Variants in USP6 observed in about 807,000 individuals in gnomAD.
USP6 encodes ubiquitin specific peptidase 6.
A neutral mutation model predicts 175.7 loss-of-function variants in USP6; 128 were observed. That is an observed-to-expected ratio of 0.73 (90% confidence interval 0.63 to 0.84). The LOEUF is 0.84. Among genes scored for constraint, USP6 ranks in the 40% least tolerant of loss-of-function variants. The pLI, the probability that USP6 is intolerant of heterozygous loss-of-function variation, is 0.00. For missense variants in USP6, 1,498 were observed against 1,760.3 expected, an observed-to-expected ratio of 0.85 and a Z score of 2.67; for synonymous variants, 562 against 630.6, an observed-to-expected ratio of 0.89 and a Z score of 1.63.
At position 5,170,900 on chromosome 17, in the gene USP6, T is replaced by C. The variant is rs145160385; in HGVS notation, c.3939T>C (p.Asn1313=). The C allele has an allele frequency of 0.063, 101,153 of 1,610,910 alleles. 3,565 individuals carry two copies. The highest frequency in any genetic ancestry group is 0.14 in the East Asian group (6,432 of 44,864). ...REDTHIKPIY[N]LYAISCHSGI... ...ACACTCATATTAAGCCTATTTATAA[T>C]CTATATGCAATTTCAGTAAGTGGTT... Residue 1313 remains asparagine (N), a synonymous_variant, in exon 36 of 38, where the codon AAT becomes AAC. Transcript: ENST00000574788.
rs1598053251 is a variant in USP6 at position 5,148,716 on chromosome 17, T to C, written c.2592T>C (p.Ser864=). 1.2e-6 allele frequency: 2 copies of C among 1,613,944 alleles called. No homozygotes were observed. The highest frequency in any genetic ancestry group is 1.7e-5 in the Admixed American group (1 of 60,016). ...TNGMVNGHMP[S]LPDSPFTGYI... Reference sequence around the variant, plus strand: ...GAATGGTTAATGGTCACATGCCATCTCTTCCTGACAGCCCCTTTACAGGTT... The same window carrying C: ...GAATGGTTAATGGTCACATGCCATCCCTTCCTGACAGCCCCTTTACAGGTT... The change falls in exon 30 of 38, where the codon TCT becomes TCC. Residue 864 remains serine, a synonymous_variant. Transcript: ENST00000574788.
Position 5,148,611 on chromosome 17 carries a change from C to T in USP6, c.2487C>T (p.Asp829=), listed in dbSNP as rs765705249. 9 of 1,613,814 alleles carry T rather than the reference C, an allele frequency of 5.6e-6. No individual in the cohort carries two copies. The East Asian group carries it at 1.8e-4, about 32-fold the overall frequency. Residue 829 remains aspartate (D), a synonymous_variant, in exon 30 of 38, where the codon GAC becomes GAT. Transcript: ENST00000574788. ...NGMFTLTTNG[D]LPKPIFIPNG... is the part of the protein sequence containing the mutation. ...TGTTCACCCTAACTACCAATGGGGA[C>T]CTACCCAAACCAATATTCATCCCCA...
chr17:5,142,147 C>T lies in USP6; in HGVS notation c.1712+6C>T, dbSNP rs763760282. 8 of 1,609,394 alleles carry T rather than the reference C, an allele frequency of 5.0e-6. No homozygotes were observed. Among genetic ancestry groups the T allele is most frequent in the Non-Finnish European group, 5.9e-6 (7 of 1,178,056 alleles). ...CATCTTTATGAACTCAACAGGTAAA[C>T]TTTCTTGAGTCACTGGCCTCTTAAC... On this transcript the variant is annotated splice_donor_region_variant and intron_variant, in intron 24 of 37. Transcript: ENST00000574788.
chr17:5,164,658 A>C (rs1324739505), intron 33 of USP6, among the ~76,000 whole-genome samples: 2 of 152,244 alleles, frequency 1.3e-5, no homozygotes. Context: ...TGATGCACTT[A>C]GGATACCATG....
At chr17:5,138,946 G>T in intron 21 of USP6, 1 of 1,384,566 alleles carries the variant, frequency 7.2e-7, no homozygotes, top group Middle Eastern at 2.6e-4. Context: ...TCCCACTTGA[G>T]TTCTGATGGG....
At chr17:5,122,601 ACCCTCCGCTGCGGGG>A (rs1222034659) in intron 4 of USP6, among the ~76,000 whole-genome samples, 6 of 151,488 alleles carry the variant, frequency 4.0e-5, no homozygotes, top group Non-Finnish European at 5.9e-5. Context: ...CCCAGCCCCG[ACCCTCCGCTGCGGGG>A]CCCTCCCGGA....
chr17:5,170,524 G>A lies in USP6; in HGVS notation c.3563G>A (p.Ser1188Asn), dbSNP rs755361930. Residue 1188 changes from serine (S) to asparagine (N), a missense_variant, in exon 36 of 38, where the codon AGC (serine) becomes AAC (asparagine). Physicochemically the swap from Ser to Asn is conservative, Grantham distance 46. This residue lies in a region of USP6 where 1,217 missense variants were observed against 1,500.8 expected (regional missense o/e 0.81). Coordinates refer to ENST00000574788, the MANE Select transcript of USP6 (RefSeq NM_001304284.2). ...SRKSGTSCPS[S>N]KNSSPNSSPR... ...AAAAGTGGAACCAGCTGTCCCTCCA[G>A]CAAAAACAGCAGCCCTAATAGCAGC... The A allele has an allele frequency of 2.5e-6, 4 of 1,611,514 alleles. No individual in the cohort carries two copies. The highest frequency in any genetic ancestry group is 3.4e-6 in the Non-Finnish European group (4 of 1,179,680).
In USP6 at chr17:5,174,250, TGTA is replaced by T. The variant is rs2074281939; in HGVS notation, c.*1275_*1277del. The T allele has an allele frequency of 5.3e-6, 1 of 189,706 alleles. No individual in the cohort carries two copies. Among genetic ancestry groups the T allele is most frequent in the Non-Finnish European group, 1.1e-5 (1 of 90,004 alleles). 11.8% of individuals were successfully genotyped at this position (189,706 alleles called of 1,614,324 possible). On this transcript the variant is annotated 3_prime_UTR_variant, in exon 38 of 38. Transcript: ENST00000574788. ...TTTATTTGAGGTAGAATTTTTTTCA[TGTA>T]GTTTCTTAATATATACTTGAAGGAA...
At chr17:5,158,758 A>G (rs1376951594) in intron 31 of USP6, among the ~76,000 whole-genome samples, 1 of 152,120 alleles carries the variant, frequency 6.6e-6, no homozygotes, top group East Asian at 1.9e-4. Flanking sequence ...AGTTGTTTCA[A>G]ATGCTACAGA....
intron 33 of USP6, among the ~76,000 whole-genome samples, chr17:5,166,390 T>C (rs35328730): frequency 6.6e-6 from 1 of 152,164 alleles, no homozygotes; most frequent in Non-Finnish European, 1.5e-5. Context: ...GTGACTCTCA[T>C]GTAGGGAAAA....
rs2072541771 is a variant in USP6 at position 5,116,448 on chromosome 17, C to G, written c.-2220C>G. 1 of 152,324 alleles carries G rather than the reference C, an allele frequency of 6.6e-6. No individual in the cohort carries two copies. The highest frequency in any genetic ancestry group is 1.5e-5 in the Non-Finnish European group (1 of 68,092). The allele number at this position is 152,324 out of a possible 1,614,324, so 9.4% of individuals were successfully genotyped here. A position where few individuals can be genotyped will look rare whatever the true frequency, so the allele number is the denominator to read the frequency against. ...TTCTGGCCCATGTGAGCCGCCGTCT[C>G]GTGTGGTGTCTGAGGGGCGTCTACC... is the stretch of plus-strand genomic sequence containing the variant. On this transcript the variant is annotated 5_prime_UTR_variant, in exon 1 of 38. Transcript: ENST00000574788.
chr17:5,138,361 T>C, intron 21 of USP6, 88 bp downstream of exon 21: 5 of 1,590,208 alleles, frequency 3.1e-6, no homozygotes, highest in Non-Finnish European at 4.3e-6. Context: ...CCCTACTACC[T>C]GGGCCTTCCT....
rs768255681 is a variant in USP6 at position 5,167,991 on chromosome 17, C to A, written c.3096C>A (p.Asn1032Lys). 1 of 1,611,974 alleles carries A rather than the reference C, an allele frequency of 6.2e-7. No individual in the cohort carries two copies. Among genetic ancestry groups the A allele is most frequent in the Non-Finnish European group, 8.5e-7 (1 of 1,179,836 alleles). ...GGCGAGCGCAAGCCGAGCCCATCAACCTGGACAGCTGTCTCCGTGCTTTCA... is the reference window on the plus strand; with the variant it reads ...GGCGAGCGCAAGCCGAGCCCATCAAACTGGACAGCTGTCTCCGTGCTTTCA... The part of the protein sequence containing the change: ...QSRRAQAEPI[N>K]LDSCLRAFTS... The change falls in exon 34 of 38, where the codon AAC becomes AAA. Residue 1032 changes from asparagine (N) to lysine (K), a missense_variant. Around this residue, in one of 2 missense-constraint regions of USP6, gnomAD observed 1,217 missense variants for 1,500.8 expected, o/e 0.81. Coordinates refer to ENST00000574788, the MANE Select transcript of USP6 (RefSeq NM_001304284.2).
At chr17:5,137,050 C>T (rs2073276035) in intron 18 of USP6, 71 bp from the exon 19 acceptor site, 3 of 1,523,252 alleles carry the variant, frequency 2.0e-6, no homozygotes, top group Non-Finnish European at 2.7e-6. Context: ...GAAAGGTCTT[C>T]AGAGGCCCTG....
intron 25 of USP6, among the ~76,000 whole-genome samples, chr17:5,143,110 C>T (rs1283603136): frequency 4.6e-5 from 7 of 152,170 alleles, no homozygotes; most frequent in East Asian, 1.9e-4. Context: ...CCCGGCCAGC[C>T]GCCCCGGCCT....
chr17:5,171,637 C>T lies in USP6; in HGVS notation c.4005C>T (p.Asn1335=). ...GCCATTACATCACTTATGCCAAAAA[C>T]CCAAACTGCAAGTGGTACTGTTATA... ...SGGHYITYAK[N]PNCKWYCYND... is the part of the protein sequence containing the mutation. Residue 1335 remains asparagine, a synonymous_variant, in exon 37 of 38, where the codon AAC becomes AAT. Transcript: ENST00000574788. The T allele has an allele frequency of 1.2e-6, 2 of 1,613,820 alleles. No homozygotes were observed. Among genetic ancestry groups the T allele is most frequent in the Non-Finnish European group, 1.7e-6 (2 of 1,179,810 alleles).
chr17:5,169,850 CT>C (rs1234449382), intron 35 of USP6, among the ~76,000 whole-genome samples: 12 of 152,210 alleles, frequency 7.9e-5, no homozygotes, highest in African/African-American at 2.9e-4. Flanking sequence ...AATATCGTCA[CT>C]TTGACAGTGA....
At chr17:5,134,995 A>G in intron 15 of USP6, 1 of 462,950 alleles carries the variant, frequency 2.2e-6, no homozygotes, top group Admixed American at 3.1e-5. Context: ...GTGCAAAAGA[A>G]AAAAAAAATC....
chr17:5,160,284 G>A (rs2073978598), intron 31 of USP6, among the ~76,000 whole-genome samples: 1 of 152,032 alleles, frequency 6.6e-6, no homozygotes, highest in Non-Finnish European at 1.5e-5. Flanking sequence ...CTTTATCATG[G>A]TTTCATTACC....
Sources: gnomAD v4.1 joint callset for allele counts (sites outside exome capture counted in the v4.1 genomes callset) on GRCh38, gnomAD v4.1.1 for gene constraint, gnomAD v4.1.1 regional missense constraint, MANE v1.5 for transcripts, NCBI Gene and HGNC (gene_info 2026-07-23, HGNC 2026-07-21) for gene names.